Variants in AKAP6 observed in about 807,000 individuals in gnomAD.
AKAP6 encodes the protein A-kinase anchor protein 6.
In AKAP6, 58 loss-of-function variants were observed where a neutral mutation model predicts 188.5. The ratio of observed to expected loss-of-function variants is 0.31; its 90% confidence interval spans 0.25 to 0.38. The LOEUF is 0.38. Among genes scored for constraint, AKAP6 ranks in the 10% least tolerant of loss-of-function variants. AKAP6 has a pLI of 1.00. For missense variants in AKAP6, 2,710 were observed against 2,740.0 expected, an observed-to-expected ratio of 0.99 and a Z score of 0.24; for synonymous variants, 989 against 998.6, an observed-to-expected ratio of 0.99 and a Z score of 0.18.
intron 1 of AKAP6, among the ~76,000 whole-genome samples, chr14:32,362,196 C>T (rs904130990): frequency 5.3e-5 from 8 of 152,090 alleles, no homozygotes; most frequent in African/African-American, 1.9e-4. Flanking sequence ...TTAATTTTTG[C>T]ATAGTTCCAG....
chr14:32,405,024 T>A (rs1178491531), intron 1 of AKAP6, among the ~76,000 whole-genome samples: 1 of 151,574 alleles, frequency 6.6e-6, no homozygotes, highest in Non-Finnish European at 1.5e-5. Flanking sequence ...CTGGTCTAAG[T>A]CAAAGTATGT....
intron 2 of AKAP6, among the ~76,000 whole-genome samples, chr14:32,454,701 C>T (rs1429696125): frequency 1.3e-3 from 35 of 27,568 alleles, no homozygotes; most frequent in African/African-American, 5.6e-3. Context: ...CCCTCCCTCC[C>T]TCCCTCCTTC....
In AKAP6 at chr14:32,830,224, GACCAATTTC is replaced by G; in HGVS notation, c.*421_*429del. The G allele has an allele frequency of 2.6e-6, 1 of 388,606 alleles. No homozygotes were observed. The highest frequency in any genetic ancestry group is 4.6e-6 in the Non-Finnish European group (1 of 218,814). 24.1% of individuals were successfully genotyped at this position (388,606 alleles called of 1,614,324 possible). A position where few individuals can be genotyped will look rare whatever the true frequency, so the allele number is the denominator to read the frequency against. The stretch of plus-strand genomic sequence containing the variant: ...TAGAATGACCCCCCCACCAGTACTT[GACCAATTTC>G]ATGTATCAATCTGGATTTTTTTTTA... On this transcript the variant is annotated 3_prime_UTR_variant, in exon 14 of 14. Transcript: ENST00000280979.
At chr14:32,655,357 A>G (rs1041234482) in intron 7 of AKAP6, among the ~76,000 whole-genome samples, 1 of 152,318 alleles carries the variant, frequency 6.6e-6, no homozygotes, top group Non-Finnish European at 1.5e-5. Flanking sequence ...TAAGTGTTAA[A>G]CCATATGGTA....
In AKAP6 at chr14:32,546,414, C is replaced by T; in HGVS notation, c.1761C>T (p.Gly587=). The T allele has an allele frequency of 6.2e-7, 1 of 1,614,178 alleles. No individual in the cohort carries two copies. Among genetic ancestry groups the T allele is most frequent in the Admixed American group, 1.7e-5 (1 of 60,022 alleles). The change falls in exon 4 of 14, where the codon GGC becomes GGT. Residue 587 remains glycine, a synonymous_variant. Transcript: ENST00000280979. ...CTCAGAGCAGTGAATCCTCTGTTGG[C>T]TCAGACAACATCATGTCTCCGGTGC... is the stretch of plus-strand genomic sequence containing the variant. ...AFTQSSESSV[G]SDNIMSPVPL...
At chr14:32,526,145 G>A (rs1180976268) in intron 2 of AKAP6, among the ~76,000 whole-genome samples, 1 of 152,102 alleles carries the variant, frequency 6.6e-6, no homozygotes, top group Admixed American at 6.5e-5. Context: ...GCTCACTGTA[G>A]CCTTGACCTC....
At chr14:32,787,542 A>G (rs2033459573) in intron 12 of AKAP6, among the ~76,000 whole-genome samples, 1 of 152,204 alleles carries the variant, frequency 6.6e-6, no homozygotes, top group African/African-American at 2.4e-5. Context: ...TTAAAAGCAA[A>G]AAGAATTACT....
At chr14:32,733,104 G>A (rs1219355662) in intron 10 of AKAP6, 1 of 159,316 alleles carries the variant, frequency 6.3e-6, no homozygotes, top group Non-Finnish European at 1.4e-5. Flanking sequence ...AATTGAATCA[G>A]CCTGTGTTTT....
chr14:32,719,903 G>GA (rs369237930), intron 9 of AKAP6, among the ~76,000 whole-genome samples: 261 of 147,318 alleles, frequency 1.8e-3, no homozygotes, highest in African/African-American at 5.7e-3. Flanking sequence ...TGCAATTGTA[G>GA]AAAAAAAAAA....
At chr14:32,726,106 T>G (rs1172013003) in intron 9 of AKAP6, 1 of 870,090 alleles carries the variant, frequency 1.1e-6, no homozygotes, top group Non-Finnish European at 1.4e-6. Context: ...GATTAAGGTT[T>G]TCTAGTTCCC....
chr14:32,704,850 T>A (rs1890748722), intron 9 of AKAP6, among the ~76,000 whole-genome samples: 1 of 152,166 alleles, frequency 6.6e-6, no homozygotes, highest in Non-Finnish European at 1.5e-5. Context: ...AAGGTACATA[T>A]GCTATTTGGT....
intron 7 of AKAP6, among the ~76,000 whole-genome samples, chr14:32,633,790 C>G (rs1346474939): frequency 6.6e-6 from 1 of 152,062 alleles, no homozygotes; most frequent in Non-Finnish European, 1.5e-5. Flanking sequence ...GCAGCAAAGC[C>G]TACCAAATAC....
chr14:32,596,108 A>G (rs958925126), intron 5 of AKAP6, among the ~76,000 whole-genome samples: 1 of 152,156 alleles, frequency 6.6e-6, no homozygotes, highest in Non-Finnish European at 1.5e-5. Context: ...GGTGATCGAA[A>G]GTCTGTGTTC....
intron 7 of AKAP6, among the ~76,000 whole-genome samples, chr14:32,654,889 C>T (rs1888392462): frequency 6.6e-6 from 1 of 151,622 alleles, no homozygotes; most frequent in Non-Finnish European, 1.5e-5. Context: ...GCTATTTTTA[C>T]ACAATATATA....
Position 32,821,602 on chromosome 14 carries a change from G to T in AKAP6, c.3789G>T (p.Glu1263Asp). 4 of 1,613,622 alleles carry T rather than the reference G, an allele frequency of 2.5e-6. No individual in the cohort carries two copies. The Admixed American group carries it at 5.0e-5, about 20-fold the overall frequency. ...GTAATGAGGACCCTGGTTATGACGA[G>T]GAGGCTGATAACCATGGGGGATCTC... is the stretch of plus-strand genomic sequence containing the variant. ...ETSNEDPGYD[E>D]EADNHGGSQY... Residue 1263 changes from glutamate (E) to aspartate (D), a missense_variant, in exon 13 of 14, where the codon GAG (glutamate) becomes GAT (aspartate). Around this residue, in one of 2 missense-constraint regions of AKAP6, gnomAD observed 2,473 missense variants for 2,426.1 expected, o/e 1.02. Transcript: ENST00000280979.
chr14:32,461,598 G>A (rs1167011805), intron 2 of AKAP6, among the ~76,000 whole-genome samples: 1 of 152,050 alleles, frequency 6.6e-6, no homozygotes, highest in African/African-American at 2.4e-5. Context: ...AAGATCAAAG[G>A]TAGATAAATC....
At chr14:32,678,170 C>A in intron 7 of AKAP6, 141 bp from the exon 8 acceptor site, 1 of 763,690 alleles carries the variant, frequency 1.3e-6, no homozygotes, top group South Asian at 2.7e-5. Flanking sequence ...CTGTAATATG[C>A]CCAACTGATC....
chr14:32,402,989 C>G (rs1889149151), intron 1 of AKAP6: 1 of 152,282 alleles, frequency 6.6e-6, no homozygotes, highest in South Asian at 2.1e-4. Flanking sequence ...ACCTTGGCCT[C>G]CCAAAGTGCT....
At chr14:32,813,988 T>G (rs1794160073) in intron 12 of AKAP6, among the ~76,000 whole-genome samples, 1 of 151,858 alleles carries the variant, frequency 6.6e-6, no homozygotes, top group Admixed American at 6.6e-5. Context: ...TTCTATGACC[T>G]CTGTGGTTTC....
Sources: gnomAD v4.1 joint callset for allele counts (sites outside exome capture counted in the v4.1 genomes callset) on GRCh38, gnomAD v4.1.1 for gene constraint, gnomAD v4.1.1 regional missense constraint, MANE v1.5 for transcripts, NCBI Gene and HGNC (gene_info 2026-07-23, HGNC 2026-07-21) for gene names.